The following ENAH variants were observed in gnomAD, a reference collection of about 807,000 sequenced individuals.
ENAH encodes the protein ENAH actin regulator, also known as protein enabled homolog.
In ENAH, 23 loss-of-function variants were observed where a neutral mutation model predicts 78.7. The observed-to-expected ratio is 0.29, with a 90% CI of 0.21 to 0.41. ENAH has a LOEUF of 0.41. Among genes scored for constraint, ENAH ranks in the 10% least tolerant of loss-of-function variants. The pLI, the probability that ENAH is intolerant of heterozygous loss-of-function variation, is 1.00. For synonymous variants in ENAH, 226 were observed against 241.0 expected (o/e 0.94, Z 0.58); for missense variants, 544 against 691.0 (o/e 0.79, Z 2.39).
intron 11 of ENAH, among the ~76,000 whole-genome samples, chr1:225,503,316 C>T (rs1438119505): frequency 6.6e-6 from 1 of 152,128 alleles, no homozygotes; most frequent in African/African-American, 2.4e-5. Context: ...TTTTTGGACA[C>T]AGGGTCTCAT....
At chr1:225,586,866 A>C (rs2096849887) in intron 1 of ENAH, among the ~76,000 whole-genome samples, 2 of 151,512 alleles carry the variant, frequency 1.3e-5, no homozygotes, top group Non-Finnish European at 2.9e-5. Flanking sequence ...TCTACTAAAA[A>C]TACAAAAAGT....
At chr1:225,618,394 G>A (rs183087641) in intron 1 of ENAH, among the ~76,000 whole-genome samples, 102 of 152,290 alleles carry the variant, frequency 6.7e-4, no homozygotes, top group African/African-American at 2.3e-3. Flanking sequence ...TGGTCATCCA[G>A]ATACAAAATT....
chr1:225,551,420 A>T (rs907361416), intron 3 of ENAH, among the ~76,000 whole-genome samples: 4 of 152,220 alleles, frequency 2.6e-5, no homozygotes, highest in African/African-American at 9.7e-5. Flanking sequence ...TTATAAATTT[A>T]AAAAATTTGA....
chr1:225,493,133 T>C lies in ENAH; in HGVS notation c.*4642A>G, dbSNP rs527465662. The C allele has an allele frequency of 1.3e-5, 2 of 152,326 alleles. No homozygotes were observed. The highest frequency in any genetic ancestry group is 3.9e-4 in the East Asian group (2 of 5,192). The allele number at this position is 152,326 out of a possible 1,614,324, so 9.4% of individuals were successfully genotyped here. On this transcript the variant is annotated 3_prime_UTR_variant, in exon 14 of 14. Coordinates refer to ENST00000366843, the MANE Select transcript of ENAH (RefSeq NM_018212.6). ...ATTTGAAGGTTTCATCTTTCCAGTA[T>C]TGATATTTTAAAAAATCTTGATGTC...
chr1:225,527,942 A>T (rs1376251334), intron 4 of ENAH, among the ~76,000 whole-genome samples: 1 of 152,152 alleles, frequency 6.6e-6, no homozygotes, highest in East Asian at 1.9e-4. Context: ...CTTCCTAGGT[A>T]ATGTCTTCCC....
chr1:225,548,396 T>C (rs1215035782), intron 3 of ENAH, among the ~76,000 whole-genome samples: 1 of 152,182 alleles, frequency 6.6e-6, no homozygotes, highest in African/African-American at 2.4e-5. Flanking sequence ...GACTCTAAAC[T>C]CAAGTTCTTT....
At chr1:225,626,104 A>C (rs1193814883) in intron 1 of ENAH, among the ~76,000 whole-genome samples, 1 of 152,200 alleles carries the variant, frequency 6.6e-6, no homozygotes, top group Non-Finnish European at 1.5e-5. Context: ...ACCATGAAGA[A>C]AGACTGCAGG....
chr1:225,571,803 T>C (rs1039948794), intron 1 of ENAH, among the ~76,000 whole-genome samples: 1 of 152,186 alleles, frequency 6.6e-6, no homozygotes, highest in Non-Finnish European at 1.5e-5. Context: ...GCTTCCAGGT[T>C]GATCAACATA....
chr1:225,552,374 G>A (rs1235628781), intron 3 of ENAH, among the ~76,000 whole-genome samples: 5 of 151,620 alleles, frequency 3.3e-5, no homozygotes, highest in African/African-American at 1.2e-4. Flanking sequence ...TCCTGACCTC[G>A]TGATCCACCC....
intron 5 of ENAH, chr1:225,517,724 G>A: frequency 6.4e-7 from 1 of 1,551,236 alleles, no homozygotes; most frequent in African/African-American, 1.4e-5. Context: ...TTTTTGTTCA[G>A]AGGACGAGGA....
chr1:225,595,439 G>T (rs985897707), intron 1 of ENAH, among the ~76,000 whole-genome samples: 1 of 152,118 alleles, frequency 6.6e-6, no homozygotes, highest in Non-Finnish European at 1.5e-5. Context: ...ATCAAAATGA[G>T]GGGAGAATAC....
At position 225,488,403 on chromosome 1, in the gene ENAH, T is replaced by G. The variant is rs2096208666; in HGVS notation, c.*9372A>C. The G allele has an allele frequency of 6.6e-6, 1 of 152,192 alleles. No individual in the cohort carries two copies. The highest frequency in any genetic ancestry group is 2.1e-4 in the South Asian group (1 of 4,826). 9.4% of individuals were successfully genotyped at this position (152,192 alleles called of 1,614,324 possible). A position where few individuals can be genotyped will look rare whatever the true frequency, so the allele number is the denominator to read the frequency against. On this transcript the variant is annotated 3_prime_UTR_variant, in exon 14 of 14. Transcript: ENST00000366843. ...CAGAAGGCATTCACTCTGCCTGAAG[T>G]TGTGCTCTGCTCACAGCACGAGTGT... is the stretch of plus-strand genomic sequence containing the variant.
intron 1 of ENAH, 148 bp downstream of exon 1, chr1:225,652,538 G>A (rs1425845366): frequency 1.9e-6 from 2 of 1,058,218 alleles, no homozygotes; most frequent in African/African-American, 1.6e-5. Flanking sequence ...GAAATTGGAA[G>A]GGACAAAAGG....
intron 1 of ENAH, among the ~76,000 whole-genome samples, chr1:225,642,042 T>C (rs1176561487): frequency 6.7e-6 from 1 of 148,878 alleles, no homozygotes; most frequent in East Asian, 2.0e-4. Flanking sequence ...TAAGAACAAA[T>C]ACAAAAAAAT....
At chr1:225,552,817 C>T (rs2096647676) in intron 3 of ENAH, among the ~76,000 whole-genome samples, 1 of 152,164 alleles carries the variant, frequency 6.6e-6, no homozygotes, top group Admixed American at 6.5e-5. Context: ...AAAATGATGG[C>T]CGATTTTCCT....
intron 2 of ENAH, among the ~76,000 whole-genome samples, chr1:225,564,360 G>T (rs1017013210): frequency 1.1e-4 from 16 of 151,822 alleles, no homozygotes; most frequent in African/African-American, 2.4e-5. Context: ...CGCAATCTCG[G>T]CTCACCGCAA....
At chr1:225,651,755 A>AG (rs1013060113) in intron 1 of ENAH, among the ~76,000 whole-genome samples, 7 of 152,216 alleles carry the variant, frequency 4.6e-5, no homozygotes, top group African/African-American at 1.7e-4. Context: ...CGAAAAGAGA[A>AG]GGTTATGGAC....
intron 10 of ENAH, among the ~76,000 whole-genome samples, chr1:225,510,980 C>T (rs1412485480): frequency 6.6e-6 from 1 of 151,572 alleles, no homozygotes; most frequent in Admixed American, 6.6e-5. Context: ...AAGACTGCAC[C>T]ACTGCACTCC....
intron 12 of ENAH, among the ~76,000 whole-genome samples, chr1:225,499,659 G>A (rs928631544): frequency 2.0e-5 from 3 of 152,104 alleles, no homozygotes; most frequent in African/African-American, 2.4e-5. Context: ...GTAGCAGAGT[G>A]AGACTCTGTC....
Sources: allele counts gnomAD v4.1 joint callset (sites outside exome capture counted in the v4.1 genomes callset), GRCh38; gene constraint gnomAD v4.1.1; transcripts MANE v1.5; gene names NCBI Gene and HGNC (gene_info 2026-07-23, HGNC 2026-07-21).